Variants in CSMD1 observed in about 807,000 individuals in gnomAD.
CSMD1 encodes the protein CUB and sushi domain-containing protein 1.
CSMD1 carries 213 observed loss-of-function variants against 417.5 expected under a neutral mutation model. That is an observed-to-expected ratio of 0.51 (90% confidence interval 0.46 to 0.57). CSMD1 has a LOEUF of 0.57. Ranked by LOEUF, CSMD1 falls within the 20% of genes least tolerant of loss-of-function variation. The pLI is 0.00. For synonymous variants in CSMD1, 2,862 were observed against 1,736.8 expected (o/e 1.65, Z -16.11); for missense variants, 6,923 against 4,529.7 (o/e 1.53, Z -15.17).
chr8:3,287,759 T>G (rs1043357301), intron 25 of CSMD1, among the ~76,000 whole-genome samples: 5 of 152,110 alleles, frequency 3.3e-5, no homozygotes, highest in African/African-American at 1.2e-4. Flanking sequence ...CAGGGACAAT[T>G]TGACTTCCTC....
intron 1 of CSMD1, among the ~76,000 whole-genome samples, chr8:4,925,122 TCTGAATGTTTAGTCC>T (rs1435283030): frequency 1.3e-5 from 2 of 152,032 alleles, no homozygotes; most frequent in African/African-American, 4.8e-5. Context: ...TATAAGTCTT[TCTGAATGTTTAGTCC>T]CTGAGCAGCA....
chr8:3,915,508 T>C (rs2627390), intron 5 of CSMD1, among the ~76,000 whole-genome samples: 4,675 of 151,540 alleles, frequency 0.031, 251 homozygotes, highest in African/African-American at 0.11. Context: ...AACAGGACAT[T>C]ACTGGGCTTT....
chr8:4,728,679 A>C (rs1200103080), intron 1 of CSMD1, among the ~76,000 whole-genome samples: 1 of 152,114 alleles, frequency 6.6e-6, no homozygotes, highest in Non-Finnish European at 1.5e-5. Context: ...TAAGTGGATA[A>C]TGCTTCCACA....
chr8:3,982,851 G>C (rs900349391), intron 5 of CSMD1, among the ~76,000 whole-genome samples: 2 of 152,178 alleles, frequency 1.3e-5, no homozygotes, highest in African/African-American at 2.4e-5. Context: ...GCAGCTCTAC[G>C]CATACCAAGG....
rs1285816532 is a variant in CSMD1, at chr8:3,199,704, T to C, written c.5194+10A>G. ...CAGTGACATGTGGAGACATGTGGAG[T>C]GACGCTTACCTTGATACACGAAGTG... is the stretch of plus-strand genomic sequence containing the variant. On this transcript the variant is annotated intron_variant, in intron 33 of 69. Transcript: ENST00000635120. 10 of 1,563,056 alleles carry C rather than the reference T, an allele frequency of 6.4e-6. No homozygotes were observed. The highest frequency in any genetic ancestry group is 5.2e-6 in the Non-Finnish European group (6 of 1,149,384).
rs1336024774 is a variant in CSMD1 at position 3,157,894 on chromosome 8, T to G, written c.5914+3A>C. The G allele has an allele frequency of 6.4e-7, 1 of 1,552,222 alleles. No individual in the cohort carries two copies. The highest frequency in any genetic ancestry group is 8.7e-7 in the Non-Finnish European group (1 of 1,147,090). On this transcript the variant is annotated splice_donor_region_variant and intron_variant, in intron 39 of 69. Coordinates refer to ENST00000635120, the MANE Select transcript of CSMD1 (RefSeq NM_033225.6). ...AGCAGAGTTACAGAAGGTGCATCCTTACCAATGCACAGGGGAGACGGATAG... is the reference window on the plus strand; with the variant it reads ...AGCAGAGTTACAGAAGGTGCATCCTGACCAATGCACAGGGGAGACGGATAG...
chr8:4,657,076 G>A (rs557964889), intron 1 of CSMD1, among the ~76,000 whole-genome samples: 2 of 152,246 alleles, frequency 1.3e-5, no homozygotes, highest in East Asian at 1.9e-4. Context: ...GCCCAAAGCT[G>A]CACAGAAAAG....
chr8:4,480,520 T>A (rs935659768), intron 2 of CSMD1, among the ~76,000 whole-genome samples: 1 of 152,194 alleles, frequency 6.6e-6, no homozygotes, highest in African/African-American at 2.4e-5. Context: ...TGGACGGAAA[T>A]TTCTCCGCCT....
chr8:4,760,213 T>A (rs1296403182), intron 1 of CSMD1, among the ~76,000 whole-genome samples: 16 of 152,192 alleles, frequency 1.1e-4, no homozygotes. Flanking sequence ...ATCTATGTAA[T>A]TATCTATTGT....
intron 3 of CSMD1, among the ~76,000 whole-genome samples, chr8:4,032,696 G>C (rs1019858058): frequency 1.3e-5 from 2 of 152,178 alleles, no homozygotes; most frequent in African/African-American, 4.8e-5. Flanking sequence ...CCAGCAGCCA[G>C]GCTCTGTCCA....
chr8:4,269,869 G>C (rs966434568), intron 3 of CSMD1, among the ~76,000 whole-genome samples: 3 of 152,128 alleles, frequency 2.0e-5, no homozygotes, highest in Non-Finnish European at 4.4e-5. Flanking sequence ...TGAAGTTATT[G>C]CATCATTACT....
intron 3 of CSMD1, among the ~76,000 whole-genome samples, chr8:4,044,850 C>A (rs1004545104): frequency 6.6e-5 from 10 of 152,234 alleles, no homozygotes; most frequent in Non-Finnish European, 1.5e-4. Flanking sequence ...TTGTACCATG[C>A]TGGGGACTGC....
At chr8:3,437,413 C>A (rs1374649) in intron 12 of CSMD1, among the ~76,000 whole-genome samples, 19 of 152,226 alleles carry the variant, frequency 1.2e-4, no homozygotes, top group Middle Eastern at 3.4e-3. Flanking sequence ...CTGACTTATC[C>A]TAAAGGCTGA....
At chr8:4,774,795 G>T (rs772983695) in intron 1 of CSMD1, among the ~76,000 whole-genome samples, 1 of 151,984 alleles carries the variant, frequency 6.6e-6, no homozygotes, top group African/African-American at 2.4e-5. Flanking sequence ...GCACCTCCCC[G>T]CCAACCCCCA....
At chr8:3,414,125 C>T (rs1216590077) in intron 12 of CSMD1, among the ~76,000 whole-genome samples, 3 of 133,544 alleles carry the variant, frequency 2.2e-5, no homozygotes, top group East Asian at 2.3e-4. Context: ...TGTGACAGAG[C>T]GAGACTCCGT....
chr8:3,375,585 A>C (rs1274516551), intron 18 of CSMD1, among the ~76,000 whole-genome samples: 3 of 152,054 alleles, frequency 2.0e-5, no homozygotes, highest in Non-Finnish European at 4.4e-5. Flanking sequence ...TATGTTGTTC[A>C]CATATTTATT....
At chr8:4,942,978 C>T (rs1808115270) in intron 1 of CSMD1, among the ~76,000 whole-genome samples, 1 of 152,092 alleles carries the variant, frequency 6.6e-6, no homozygotes, top group African/African-American at 2.4e-5. Flanking sequence ...AGGCAGCTTC[C>T]CAGAAAGTCA....
At chr8:4,372,284 A>C (rs1241864000) in intron 3 of CSMD1, among the ~76,000 whole-genome samples, 1 of 152,186 alleles carries the variant, frequency 6.6e-6, no homozygotes, top group Admixed American at 6.5e-5. Context: ...CATTTTATTA[A>C]GTCTGTGGGT....
intron 3 of CSMD1, among the ~76,000 whole-genome samples, chr8:4,228,423 A>C (rs1023862780): frequency 6.6e-6 from 1 of 152,132 alleles, no homozygotes; most frequent in Non-Finnish European, 1.5e-5. Context: ...GAATTTAAGC[A>C]GCAGCACCTA....
Sources: gnomAD v4.1 joint callset for allele counts (sites outside exome capture counted in the v4.1 genomes callset) on GRCh38, gnomAD v4.1.1 for gene constraint, MANE v1.5 for transcripts, NCBI Gene and HGNC (gene_info 2026-07-23, HGNC 2026-07-21) for gene names.